The following LAMB3 variants were observed in gnomAD, a reference collection of about 807,000 sequenced individuals.
LAMB3 encodes the protein laminin subunit beta 3, also known as laminin subunit beta-3.
LAMB3 carries 104 observed loss-of-function variants against 140.3 expected under a neutral mutation model. The observed-to-expected ratio is 0.74, with a 90% CI of 0.63 to 0.87. The LOEUF (loss-of-function observed/expected upper bound fraction) is 0.87. Ranked by LOEUF, LAMB3 falls within the 40% of genes least tolerant of loss-of-function variation. LAMB3 has a pLI of 0.00. For missense variants in LAMB3, 1,531 were observed against 1,575.2 expected (o/e 0.97, Z 0.47); for synonymous variants, 592 against 602.9 (o/e 0.98, Z 0.26).
Position 209,625,961 on chromosome 1 carries a change from A to C in LAMB3, c.1663T>G (p.Cys555Gly). 1.9e-6 allele frequency: 3 copies of C among 1,613,848 alleles called. No individual in the cohort carries two copies. Among genetic ancestry groups the C allele is most frequent in the Non-Finnish European group, 2.5e-6 (3 of 1,179,880 alleles). ...CGGGGCCCGGTCAAGCCAGGGCGGC[A>C]GAGGCAGCGGCCTGATGCCTTGTCG... The part of the protein sequence containing the change: ...GCDKASGRCL[C>G]RPGLTGPRCD... The change falls in exon 14 of 23, where the codon TGC becomes GGC. Residue 555 changes from cysteine to glycine, a missense_variant. Transcript: ENST00000356082.
intron 18 of LAMB3, 29 bp from the exon 19 acceptor site, chr1:209,618,688 G>A (rs1291689024): frequency 6.2e-7 from 1 of 1,606,656 alleles, no homozygotes; most frequent in South Asian, 1.1e-5. Context: ...TTGACTGTAG[G>A]AGCCCACTAA....
chr1:209,640,648 ACATATCTC>A (rs1300029666), intron 3 of LAMB3, among the ~76,000 whole-genome samples: 1 of 151,982 alleles, frequency 6.6e-6, no homozygotes, highest in Non-Finnish European at 1.5e-5. Context: ...TTTTCATAGT[ACATATCTC>A]CACTTGACAC....
chr1:209,630,296 T>G (rs548688531), intron 9 of LAMB3, among the ~76,000 whole-genome samples: 72 of 152,066 alleles, frequency 4.7e-4, no homozygotes, highest in Non-Finnish European at 9.6e-4. Flanking sequence ...CTCATTTATG[T>G]AAACAAAGGG....
In LAMB3 at chr1:209,627,527, C is replaced by G. The variant is rs1476257815; in HGVS notation, c.1341G>C (p.Glu447Asp). The change falls in exon 12 of 23, where the codon GAG (glutamate) becomes GAC (aspartate). Residue 447 changes from glutamate to aspartate, a missense_variant. Physicochemically the swap from Glu to Asp is conservative, Grantham distance 45 (BLOSUM62 2). Coordinates refer to ENST00000356082, the MANE Select transcript of LAMB3 (RefSeq NM_000228.3). ...GSRRDMPCDE[E>D]SGRCLCLPNV... ...TGGGCAGACAAAGGCAGCGCCCACT[C>G]TCCTCGTCACACGGCATGTCCCTCC... The G allele has an allele frequency of 1.2e-6, 2 of 1,614,102 alleles. No individual in the cohort carries two copies. Among genetic ancestry groups the G allele is most frequent in the East Asian group, 4.5e-5 (2 of 44,876 alleles).
At chr1:209,635,888 T>C (rs1392600799) in intron 5 of LAMB3, among the ~76,000 whole-genome samples, 4 of 152,212 alleles carry the variant, frequency 2.6e-5, no homozygotes, top group Non-Finnish European at 5.9e-5. Context: ...CCCTGCCTCC[T>C]CTCAGGCCAC....
intron 19 of LAMB3, 104 bp downstream of exon 19, chr1:209,618,348 C>G: frequency 8.5e-7 from 1 of 1,173,230 alleles, no homozygotes. Context: ...TAAGCACCCC[C>G]TCCTGTCTCC....
chr1:209,636,291 T>C (rs759565585), intron 5 of LAMB3, among the ~76,000 whole-genome samples: 2 of 152,214 alleles, frequency 1.3e-5, no homozygotes, highest in Non-Finnish European at 2.9e-5. Context: ...GTGAACAGCG[T>C]CCCTGACTTC....
chr1:209,634,470 T>C lies in LAMB3; in HGVS notation c.541A>G (p.Asn181Asp), dbSNP rs2235542. 57,826 of 1,613,966 alleles carry C rather than the reference T, an allele frequency of 0.036. 2,553 individuals are homozygous for C. Among genetic ancestry groups the C allele is most frequent in the East Asian group, 0.25 (11,016 of 44,852 alleles). ...VRCQSLPQRP[N>D]ARLNGGKVQL... is the part of the protein sequence containing the mutation. ...ACCTTCCCCCCATTTAGGCGTGCAT[T>C]AGGCCTCTGAGGCAGGGACTGGCAC... Residue 181 changes from asparagine (N) to aspartate (D), a missense_variant, in exon 6 of 23, where the codon AAT becomes GAT. Physicochemically the swap from Asn to Asp is conservative, Grantham distance 23. Transcript: ENST00000356082.
chr1:209,638,075 G>A (rs778284841), intron 4 of LAMB3, 94 bp from the exon 5 acceptor site: 27 of 1,020,444 alleles, frequency 2.6e-5, no homozygotes, highest in Non-Finnish European at 3.7e-5. Context: ...TAGGAACTCA[G>A]AAACTCTCTA....
chr1:209,647,571 G>C (rs931183193), intron 3 of LAMB3, among the ~76,000 whole-genome samples: 2 of 152,222 alleles, frequency 1.3e-5, no homozygotes, highest in African/African-American at 4.8e-5. Flanking sequence ...AGAGGCACTA[G>C]CCAGAGGCCT....
At chr1:209,639,640 C>T (rs1420277466) in intron 3 of LAMB3, among the ~76,000 whole-genome samples, 1 of 151,910 alleles carries the variant, frequency 6.6e-6, no homozygotes, top group East Asian at 1.9e-4. Context: ...CACACACACA[C>T]ACGCACACGC....
chr1:209,646,206 C>A (rs1038337806), intron 3 of LAMB3, among the ~76,000 whole-genome samples: 1 of 152,164 alleles, frequency 6.6e-6, no homozygotes, highest in African/African-American at 2.4e-5. Context: ...AGCTTTCCGG[C>A]AAATCCGCTG....
At chr1:209,628,246 A>C in intron 10 of LAMB3, 56 bp from the exon 11 acceptor site, 1 of 1,540,010 alleles carries the variant, frequency 6.5e-7, no homozygotes, top group Non-Finnish European at 8.8e-7. Context: ...AGTTCAGAGC[A>C]GATTCCAGGA....
rs150001831 is a variant in LAMB3, at chr1:209,637,355, T to C, written c.372+553A>G. ...GTAGAAAGAATAAAACCAAATCATC[T>C]CTGAAAAGAAAAAATTGACCTATGG... is the stretch of plus-strand genomic sequence containing the variant. On this transcript the variant is annotated intron_variant, in intron 5 of 22. Transcript: ENST00000356082. Among the ~76,000 whole-genome samples, 736 of 152,206 alleles carry C rather than the reference T, an allele frequency of 4.8e-3. 5 individuals carry two copies. The highest frequency in any genetic ancestry group is 8.5e-3 in the South Asian group (41 of 4,818).
chr1:209,616,427 T>G (rs377209337), intron 22 of LAMB3, 44 bp downstream of exon 22: 1 of 1,611,680 alleles, frequency 6.2e-7, no homozygotes, highest in East Asian at 2.2e-5. Context: ...GGGACCAGCC[T>G]TCATGAATGC....
At position 209,629,744 on chromosome 1, in the gene LAMB3, G is replaced by C. The variant is rs1414242662; in HGVS notation, c.1125C>G (p.Thr375=). The C allele has an allele frequency of 1.2e-6, 2 of 1,614,022 alleles. No homozygotes were observed. Among genetic ancestry groups the C allele is most frequent in the East Asian group, 2.2e-5 (1 of 44,878 alleles). The change falls in exon 10 of 23, where the codon ACC becomes ACG. Residue 375 remains threonine (T), a synonymous_variant. Coordinates refer to ENST00000356082, the MANE Select transcript of LAMB3 (RefSeq NM_000228.3). The stretch of plus-strand genomic sequence containing the variant: ...TCCGGAGCCTCTACTCACAGATGCA[G>C]GTCTCCTGAATGGAAGCTCCCGGGC... ...NRRPGASIQE[T]CISCECDPDG...
chr1:209,617,966 G>C lies in LAMB3; in HGVS notation c.2992C>G (p.Gln998Glu). 1 of 1,614,200 alleles carries C rather than the reference G, an allele frequency of 6.2e-7. No individual in the cohort carries two copies. Among genetic ancestry groups the C allele is most frequent in the Non-Finnish European group, 8.5e-7 (1 of 1,180,048 alleles). ...RQGTVALQEA[Q>E]DTMQGTSRSL... The stretch of plus-strand genomic sequence containing the variant: ...CGGCTGGTGCCTTGCATGGTGTCCT[G>C]AGCTTCCTGCAGTGCCACTGTCCCC... The change falls in exon 20 of 23, where the codon CAG becomes GAG. Residue 998 changes from glutamine (Q) to glutamate (E), a missense_variant. Physicochemically the swap from Gln to Glu is conservative, Grantham distance 29. Transcript: ENST00000356082.
chr1:209,628,917 G>A (rs541058559), intron 10 of LAMB3, among the ~76,000 whole-genome samples: 96 of 152,230 alleles, frequency 6.3e-4, no homozygotes, highest in African/African-American at 1.8e-3. Flanking sequence ...GGAGGAAACC[G>A]AGGCTCAGAT....
Position 209,625,851 on chromosome 1 carries a change from G to A in LAMB3, c.1773C>T (p.Asp591=), listed in dbSNP as rs1666423671. 6 of 1,614,124 alleles carry A rather than the reference G, an allele frequency of 3.7e-6. No individual in the cohort carries two copies. Among genetic ancestry groups the A allele is most frequent in the Non-Finnish European group, 5.1e-6 (6 of 1,180,006 alleles). ...CAAAGCGCAGGGCCTGCTCCCGGAGGTCCGCATCATAGGTCTGGAAGCAAG... is the reference window on the plus strand; with the variant it reads ...CAAAGCGCAGGGCCTGCTCCCGGAGATCCGCATCATAGGTCTGGAAGCAAG... ...CHPCFQTYDA[D]LREQALRFGR... Residue 591 remains aspartate (D), a synonymous_variant, in exon 14 of 23, where the codon GAC becomes GAT. Transcript: ENST00000356082.
Sources: allele counts gnomAD v4.1 joint callset (sites outside exome capture counted in the v4.1 genomes callset), GRCh38; gene constraint gnomAD v4.1.1; transcripts MANE v1.5; gene names NCBI Gene and HGNC (gene_info 2026-07-23, HGNC 2026-07-21).